Variants in RANBP2 observed in about 807,000 individuals in gnomAD.
RANBP2 encodes the protein E3 SUMO-protein ligase RanBP2.
Under a neutral mutation model 303.6 loss-of-function variants are expected in RANBP2, and 57 were observed. The observed-to-expected ratio is 0.19, with a 90% CI of 0.15 to 0.23. The LOEUF (loss-of-function observed/expected upper bound fraction) is 0.23, where lower values mean the gene tolerates loss of function less well. Ranked by LOEUF, RANBP2 falls within the 10% of genes least tolerant of loss-of-function variation. The pLI is 1.00. For synonymous variants in RANBP2, 1,167 were observed against 1,301.5 expected (o/e 0.90, Z 2.23); for missense variants, 3,138 against 3,780.8 (o/e 0.83, Z 4.46).
chr2:108,794,059 GAA>G, the RANBP2 span, among the ~76,000 whole-genome samples: 1 of 152,116 alleles, frequency 6.6e-6, no homozygotes, highest in Admixed American at 6.5e-5. Flanking sequence ...CTGTTTAAAA[GAA>G]GAGGTTATAG....
chr2:108,755,404 T>G (rs1232375416), intron 17 of RANBP2, 145 bp downstream of exon 17: 19 of 1,382,590 alleles, frequency 1.4e-5, no homozygotes, highest in Non-Finnish European at 1.7e-5. Context: ...TTTTTTTTTT[T>G]TTTTAAGACA....
the RANBP2 span, among the ~76,000 whole-genome samples, chr2:109,678,075 G>A: frequency 0.011 from 1,731 of 152,324 alleles, 102 homozygotes; most frequent in Admixed American, 0.089. Flanking sequence ...GATGGGCTTC[G>A]GAAGGATGTG....
the RANBP2 span, among the ~76,000 whole-genome samples, chr2:109,312,713 C>G: frequency 6.6e-6 from 1 of 152,234 alleles, no homozygotes; most frequent in Non-Finnish European, 1.5e-5. Context: ...CCATTCCCCT[C>G]TATAGCTGAA....
chr2:108,930,678 G>A, the RANBP2 span, among the ~76,000 whole-genome samples: 4 of 152,268 alleles, frequency 2.6e-5, no homozygotes, highest in African/African-American at 4.8e-5. Flanking sequence ...CCAAGCATGA[G>A]CTCATCACAT....
chr2:108,806,606 C>T, the RANBP2 span, among the ~76,000 whole-genome samples: 4 of 151,990 alleles, frequency 2.6e-5, no homozygotes, highest in Non-Finnish European at 5.9e-5. Context: ...CATCGTAATG[C>T]GAAAACAGCC....
At chr2:109,426,511 G>T in the RANBP2 span, among the ~76,000 whole-genome samples, 8 of 152,188 alleles carry the variant, frequency 5.3e-5, no homozygotes, top group African/African-American at 1.9e-4. Flanking sequence ...TAACTGAATT[G>T]CTGCAATCTT....
At chr2:109,529,762 C>A in the RANBP2 span, among the ~76,000 whole-genome samples, 3 of 152,148 alleles carry the variant, frequency 2.0e-5, no homozygotes, top group African/African-American at 7.2e-5. Flanking sequence ...CCTGTCACAA[C>A]CCTGGGGCTC....
chr2:109,655,203 T>C, the RANBP2 span, among the ~76,000 whole-genome samples: 2 of 152,152 alleles, frequency 1.3e-5, no homozygotes, highest in Admixed American at 1.3e-4. Flanking sequence ...ACCCGGCTGG[T>C]GATCTTTTTT....
chr2:109,048,884 G>GA, the RANBP2 span, among the ~76,000 whole-genome samples: 7 of 152,120 alleles, frequency 4.6e-5, no homozygotes, highest in African/African-American at 1.7e-4. Flanking sequence ...TAATGAACCT[G>GA]AAAAATGAGA....
At chr2:108,995,007 T>C in the RANBP2 span, among the ~76,000 whole-genome samples, 1 of 151,844 alleles carries the variant, frequency 6.6e-6, no homozygotes, top group Admixed American at 6.6e-5. Context: ...TTTTTTTGTA[T>C]TTTTAGTAGA....
the RANBP2 span, among the ~76,000 whole-genome samples, chr2:109,126,828 C>G: frequency 1.3e-5 from 2 of 152,170 alleles, no homozygotes; most frequent in Admixed American, 1.3e-4. Context: ...TTGCTTGCAA[C>G]CAAAAGCACC....
At chr2:109,336,320 T>C in the RANBP2 span, among the ~76,000 whole-genome samples, 1 of 152,074 alleles carries the variant, frequency 6.6e-6, no homozygotes, top group African/African-American at 2.4e-5. Context: ...TTAAAATGAG[T>C]TTACAAAGCC....
At chr2:109,046,656 A>C in the RANBP2 span, among the ~76,000 whole-genome samples, 1 of 152,102 alleles carries the variant, frequency 6.6e-6, no homozygotes, top group Non-Finnish European at 1.5e-5. Context: ...CTGGGATTAC[A>C]GGCGTGAGCC....
At chr2:109,379,823 C>T in the RANBP2 span, among the ~76,000 whole-genome samples, 10 of 151,990 alleles carry the variant, frequency 6.6e-5, no homozygotes, top group South Asian at 2.1e-4. Context: ...AAGCCAGAAG[C>T]GAGGACCAGA....
At chr2:108,992,450 G>C in the RANBP2 span, among the ~76,000 whole-genome samples, 1 of 152,168 alleles carries the variant, frequency 6.6e-6, no homozygotes, top group Non-Finnish European at 1.5e-5. Context: ...ATTATCAGTT[G>C]GCTGGTGACA....
chr2:108,983,791 A>G, the RANBP2 span, among the ~76,000 whole-genome samples: 1 of 152,214 alleles, frequency 6.6e-6, no homozygotes, highest in African/African-American at 2.4e-5. Flanking sequence ...CAGGTCTGGC[A>G]TGCTGGCCAA....
At chr2:109,270,137 C>T in the RANBP2 span, among the ~76,000 whole-genome samples, 1 of 152,252 alleles carries the variant, frequency 6.6e-6, no homozygotes, top group African/African-American at 2.4e-5. Flanking sequence ...CCAGCAGTCT[C>T]AGCCCCCACC....
the RANBP2 span, among the ~76,000 whole-genome samples, chr2:109,052,824 A>G: frequency 6.6e-6 from 1 of 152,208 alleles, no homozygotes; most frequent in African/African-American, 2.4e-5. Context: ...TTAAATAACA[A>G]CAGTGGAATG....
At chr2:108,912,878 G>A in the RANBP2 span, 1 of 822,076 alleles carries the variant, frequency 1.2e-6, no homozygotes. Flanking sequence ...AGGCAGTGAT[G>A]GCTGAGGGGA....
Sources: gnomAD v4.1 joint callset for allele counts (sites outside exome capture counted in the v4.1 genomes callset) on GRCh38, gnomAD v4.1.1 for gene constraint, MANE v1.5 for transcripts, NCBI Gene and HGNC (gene_info 2026-07-23, HGNC 2026-07-21) for gene names.